The following DAB1 variants were observed in gnomAD, a reference collection of about 807,000 sequenced individuals.
DAB1 encodes the protein DAB adaptor protein 1.
In DAB1, 15 loss-of-function variants were observed where a neutral mutation model predicts 64.6. That is an observed-to-expected ratio of 0.23 (90% CI 0.16 to 0.36). DAB1 has a LOEUF of 0.36. Ranked by LOEUF, DAB1 falls within the 10% of genes least tolerant of loss-of-function variation. The probability of loss-of-function intolerance (pLI) is 1.00; values close to 1 mark genes in which losing one functional copy is unlikely to be tolerated. For missense variants in DAB1, 596 were observed against 706.7 expected (o/e 0.84, Z 1.78); for synonymous variants, 235 against 251.9 (o/e 0.93, Z 0.64).
At chr1:57,440,068 T>C (rs1441961255) in intron 7 of DAB1, among the ~76,000 whole-genome samples, 4 of 152,210 alleles carry the variant, frequency 2.6e-5, no homozygotes, top group Non-Finnish European at 5.9e-5. Flanking sequence ...ACTTTGCTCA[T>C]ACTGTTTCCT....
chr1:57,673,193 AG>A (rs1288630650), intron 6 of DAB1, among the ~76,000 whole-genome samples: 1 of 152,120 alleles, frequency 6.6e-6, no homozygotes, highest in Non-Finnish European at 1.5e-5. Flanking sequence ...ACATGACAGA[AG>A]GGGCATGGGA....
intron 1 of DAB1, among the ~76,000 whole-genome samples, chr1:58,536,917 T>A (rs1159436588): frequency 6.6e-6 from 1 of 152,138 alleles, no homozygotes; most frequent in African/African-American, 2.4e-5. Context: ...GAAAAAATAA[T>A]CAATGATGTA....
intron 11 of DAB1, among the ~76,000 whole-genome samples, chr1:57,020,657 C>A (rs569001174): frequency 2.0e-5 from 3 of 152,170 alleles, no homozygotes; most frequent in Non-Finnish European, 4.4e-5. Flanking sequence ...CTGTAGAAAT[C>A]AGAGTAATCA....
At chr1:57,912,283 C>G (rs1644656904) in intron 5 of DAB1, among the ~76,000 whole-genome samples, 1 of 152,162 alleles carries the variant, frequency 6.6e-6, no homozygotes, top group African/African-American at 2.4e-5. Context: ...GTGGGTCTGT[C>G]TTTATCTCCA....
chr1:57,782,950 G>C (rs1328372944), intron 6 of DAB1, among the ~76,000 whole-genome samples: 1 of 151,902 alleles, frequency 6.6e-6, no homozygotes, highest in Admixed American at 6.6e-5. Flanking sequence ...TAGCATGAAT[G>C]GTTGAAAATA....
intron 5 of DAB1, among the ~76,000 whole-genome samples, chr1:58,121,843 C>G (rs2100673874): frequency 6.6e-6 from 1 of 152,314 alleles, no homozygotes; most frequent in South Asian, 2.1e-4. Flanking sequence ...GAATTTTCCT[C>G]TAATAATACT....
intron 7 of DAB1, among the ~76,000 whole-genome samples, chr1:57,605,637 C>T (rs1645627426): frequency 6.6e-6 from 1 of 152,096 alleles, no homozygotes; most frequent in Non-Finnish European, 1.5e-5. Context: ...TCCATGTTGC[C>T]TAGATCCAAC....
intron 4 of DAB1, among the ~76,000 whole-genome samples, chr1:58,234,964 T>A (rs2100361031): frequency 6.6e-6 from 1 of 152,314 alleles, no homozygotes; most frequent in South Asian, 2.1e-4. Context: ...CAGGATAGAC[T>A]TGCTTCTCAG....
intron 2 of DAB1, among the ~76,000 whole-genome samples, chr1:57,284,777 C>T (rs1672185154): frequency 6.6e-6 from 1 of 152,222 alleles, no homozygotes. Flanking sequence ...GCGGAAGTTA[C>T]TTCCCAGGGC....
At chr1:57,272,334 T>A (rs1347746580) in intron 2 of DAB1, among the ~76,000 whole-genome samples, 1 of 152,194 alleles carries the variant, frequency 6.6e-6, no homozygotes, top group Non-Finnish European at 1.5e-5. Flanking sequence ...TCTCCTGTAT[T>A]GCCACATCTA....
At chr1:57,781,074 T>C (rs1404781484) in intron 6 of DAB1, among the ~76,000 whole-genome samples, 1 of 144,692 alleles carries the variant, frequency 6.9e-6, no homozygotes, top group Non-Finnish European at 1.5e-5. Flanking sequence ...ATATTTTATA[T>C]ATTTGAGATC....
intron 6 of DAB1, among the ~76,000 whole-genome samples, chr1:57,778,679 C>G (rs1649928389): frequency 6.6e-6 from 1 of 152,112 alleles, no homozygotes. Context: ...CATTCGCCAT[C>G]TGCGATTGCT....
At chr1:57,850,104 G>A (rs1007778799) in intron 1 of DAB1, among the ~76,000 whole-genome samples, 6 of 152,182 alleles carry the variant, frequency 3.9e-5, no homozygotes, top group Non-Finnish European at 8.8e-5. Context: ...CCTCTGGACA[G>A]TAACTCAAGA....
At chr1:58,459,343 A>G (rs1645221240) in intron 3 of DAB1, among the ~76,000 whole-genome samples, 1 of 152,244 alleles carries the variant, frequency 6.6e-6, no homozygotes, top group African/African-American at 2.4e-5. Context: ...AGGTTGCAAA[A>G]TAACTGTTGG....
chr1:57,737,106 G>T (rs1647728932), intron 6 of DAB1, among the ~76,000 whole-genome samples: 1 of 152,204 alleles, frequency 6.6e-6, no homozygotes. Context: ...AGGAGCTGTG[G>T]CTTCCGGTGG....
At chr1:58,526,658 T>C (rs4912344) in intron 2 of DAB1, among the ~76,000 whole-genome samples, 87,946 of 150,308 alleles carry the variant, frequency 0.59, 27,859 homozygotes, top group East Asian at 0.82. Flanking sequence ...TGTCTGTTCG[T>C]CTACTGTTTA....
At chr1:57,484,318 G>C (rs1644062666) in intron 7 of DAB1, among the ~76,000 whole-genome samples, 1 of 152,114 alleles carries the variant, frequency 6.6e-6, no homozygotes, top group African/African-American at 2.4e-5. Flanking sequence ...TTTGTGCCAG[G>C]GGAATCAAGA....
At chr1:57,236,984 A>T (rs1357897948) in intron 2 of DAB1, among the ~76,000 whole-genome samples, 2 of 152,210 alleles carry the variant, frequency 1.3e-5, no homozygotes, top group Admixed American at 6.5e-5. Context: ...CTGTATTTTT[A>T]ATTTAAATTT....
At chr1:58,312,676 C>G (rs1160792113) in intron 4 of DAB1, among the ~76,000 whole-genome samples, 1 of 152,158 alleles carries the variant, frequency 6.6e-6, no homozygotes, top group South Asian at 2.1e-4. Context: ...CAGGAAGGGA[C>G]AAGCTCAGTA....
Sources: allele counts gnomAD v4.1 joint callset (sites outside exome capture counted in the v4.1 genomes callset), GRCh38; gene constraint gnomAD v4.1.1; transcripts MANE v1.5; gene names NCBI Gene and HGNC (gene_info 2026-07-23, HGNC 2026-07-21).